Variants in RGS6 observed in about 807,000 individuals in gnomAD.
The protein encoded by RGS6 is regulator of G protein signaling 6.
Under a neutral mutation model 78.5 loss-of-function variants are expected in RGS6, and 30 were observed. The ratio of observed to expected loss-of-function variants is 0.38; its 90% CI spans 0.29 to 0.52. RGS6 has a LOEUF of 0.52. RGS6 is among the 20% of genes least tolerant of loss of function. The pLI is 0.85. For missense variants in RGS6, 495 were observed against 609.7 expected (o/e 0.81, Z 1.98); for synonymous variants, 206 against 206.0 (o/e 1.00, Z 0.00).
At chr14:72,218,656 G>A (rs920865345) in intron 2 of RGS6, among the ~76,000 whole-genome samples, 4 of 151,932 alleles carry the variant, frequency 2.6e-5, no homozygotes, top group African/African-American at 9.7e-5. Context: ...TCTGTCACCA[G>A]GCTGTAGTGC....
chr14:72,180,902 A>G (rs2097165752), intron 2 of RGS6, among the ~76,000 whole-genome samples: 1 of 152,232 alleles, frequency 6.6e-6, no homozygotes, highest in Admixed American at 6.5e-5. Flanking sequence ...ATGCTCTTGG[A>G]CTTCCCAGCC....
chr14:72,438,543 C>G (rs1479682001), intron 3 of RGS6, among the ~76,000 whole-genome samples: 1 of 152,164 alleles, frequency 6.6e-6, no homozygotes, highest in African/African-American at 2.4e-5. Context: ...CACCGTGCAC[C>G]CAACTAGTTA....
intron 2 of RGS6, among the ~76,000 whole-genome samples, chr14:72,211,096 A>G (rs1293130227): frequency 6.6e-6 from 1 of 152,202 alleles, no homozygotes; most frequent in African/African-American, 2.4e-5. Flanking sequence ...AGACAAATAT[A>G]TGTGAACAGA....
At chr14:72,258,678 G>T (rs1313428196) in intron 2 of RGS6, among the ~76,000 whole-genome samples, 1 of 152,204 alleles carries the variant, frequency 6.6e-6, no homozygotes, top group South Asian at 2.1e-4. Context: ...TAGAGCCTCT[G>T]TTTATTCATT....
chr14:72,585,683 C>T, the RGS6 span, among the ~76,000 whole-genome samples: 4 of 152,204 alleles, frequency 2.6e-5, no homozygotes, highest in African/African-American at 9.6e-5. Context: ...CTCCCAGGAG[C>T]TAGAGGAATA....
chr14:72,340,306 A>T (rs1567798061), intron 2 of RGS6, among the ~76,000 whole-genome samples: 1 of 152,142 alleles, frequency 6.6e-6, no homozygotes, highest in Admixed American at 6.5e-5. Context: ...AAAGAAGAAA[A>T]TGCCTGGGGA....
chr14:72,509,349 A>G (rs1252625765), intron 13 of RGS6, among the ~76,000 whole-genome samples: 1 of 149,424 alleles, frequency 6.7e-6, no homozygotes, highest in Non-Finnish European at 1.5e-5. Flanking sequence ...TGGGCGGCAA[A>G]GTGAGACTCC....
chr14:72,620,188 A>G, the RGS6 span, among the ~76,000 whole-genome samples: 1 of 152,026 alleles, frequency 6.6e-6, no homozygotes, highest in Non-Finnish European at 1.5e-5. Context: ...CCCAGCCTAT[A>G]TAAATCCTAC....
intron 2 of RGS6, among the ~76,000 whole-genome samples, chr14:72,161,154 C>T (rs1186934155): frequency 2.6e-5 from 4 of 152,170 alleles, no homozygotes; most frequent in Admixed American, 2.6e-4. Flanking sequence ...GAAAACCAAA[C>T]ACCGCATGTT....
intron 2 of RGS6, among the ~76,000 whole-genome samples, chr14:71,994,457 CTTG>C (rs2153195258): frequency 6.6e-6 from 1 of 152,144 alleles, no homozygotes; most frequent in South Asian, 2.1e-4. Flanking sequence ...ATACCTTAAT[CTTG>C]TTGTTAGGGA....
chr14:71,963,086 G>A (rs1281291182), intron 1 of RGS6, among the ~76,000 whole-genome samples: 2 of 152,138 alleles, frequency 1.3e-5, no homozygotes, highest in Non-Finnish European at 2.9e-5. Flanking sequence ...GGGGAACTTG[G>A]TGGAATTCAC....
chr14:72,381,914 T>C (rs988134847), intron 3 of RGS6, among the ~76,000 whole-genome samples: 1 of 151,872 alleles, frequency 6.6e-6, no homozygotes, highest in African/African-American at 2.4e-5. Flanking sequence ...TTCGGAAAAA[T>C]GGTAAAGCTA....
intron 2 of RGS6, among the ~76,000 whole-genome samples, chr14:72,332,289 G>A (rs183538450): frequency 5.3e-4 from 80 of 152,336 alleles, no homozygotes; most frequent in Non-Finnish European, 6.2e-4. Context: ...AAAAAAGAGC[G>A]TTGGCCATCT....
Position 71,972,713 on chromosome 14 carries a change from T to A in RGS6, c.84+7838T>A, listed in dbSNP as rs1566935727. Reference sequence around the variant, plus strand: ...GGAGGTAGGAGGACAGTTTAGAGATTGAACAGGAATCCAGGTGAGGAAAAA... The same window carrying A: ...GGAGGTAGGAGGACAGTTTAGAGATAGAACAGGAATCCAGGTGAGGAAAAA... On this transcript the variant is annotated intron_variant, in intron 2 of 17. Transcript: ENST00000553525. Among the ~76,000 whole-genome samples the A allele has an allele frequency of 2.0e-5, 3 of 151,994 alleles. No individual in the cohort carries two copies. In the East Asian group the frequency reaches 5.8e-4, roughly 29 times the overall value.
At chr14:71,887,928 T>G in the RGS6 span, among the ~76,000 whole-genome samples, 4 of 152,156 alleles carry the variant, frequency 2.6e-5, no homozygotes, top group African/African-American at 9.7e-5. Context: ...CTCACTGTTC[T>G]TACACCCCTT....
At chr14:72,182,416 C>CAAA (rs34656799) in intron 2 of RGS6, among the ~76,000 whole-genome samples, 15 of 106,374 alleles carry the variant, frequency 1.4e-4, no homozygotes, top group Non-Finnish European at 2.3e-4. Context: ...GACTCCATCT[C>CAAA]AAAAAAAAAA....
At chr14:72,503,370 C>T (rs142960174) in intron 13 of RGS6, among the ~76,000 whole-genome samples, 14 of 152,272 alleles carry the variant, frequency 9.2e-5, no homozygotes, top group African/African-American at 2.4e-4. Flanking sequence ...CAGTAGTCCC[C>T]GAAGTCTTAA....
At chr14:72,110,620 T>G (rs1032036070) in intron 2 of RGS6, among the ~76,000 whole-genome samples, 1 of 152,218 alleles carries the variant, frequency 6.6e-6, no homozygotes, top group Non-Finnish European at 1.5e-5. Context: ...CCAGTTTCTC[T>G]TACTTGTGCA....
intron 2 of RGS6, among the ~76,000 whole-genome samples, chr14:72,075,550 T>G (rs893399290): frequency 3.9e-5 from 6 of 152,178 alleles, no homozygotes. Flanking sequence ...ATTATAAATA[T>G]ATGACATGTT....
Sources: allele counts gnomAD v4.1 joint callset (sites outside exome capture counted in the v4.1 genomes callset), GRCh38; gene constraint gnomAD v4.1.1; transcripts MANE v1.5; gene names NCBI Gene and HGNC (gene_info 2026-07-23, HGNC 2026-07-21).